The following NMS variants were observed in gnomAD, a reference collection of about 807,000 sequenced individuals.
NMS encodes the protein neuromedin-S.
NMS carries 30 observed loss-of-function variants against 32.2 expected under a neutral mutation model. The observed-to-expected ratio is 0.93, with a 90% CI of 0.70 to 1.26. The LOEUF is 1.26. Among genes scored for constraint, NMS ranks in the 50% most tolerant of loss-of-function variants. NMS has a pLI of 0.00. For synonymous variants in NMS, 76 were observed against 58.5 expected, an observed-to-expected ratio of 1.30 and a Z score of -1.37; for missense variants, 190 against 186.3, an observed-to-expected ratio of 1.02 and a Z score of -0.12.
chr2:100,473,416 G>T, intron 2 of NMS, 73 bp from the exon 3 acceptor site: 1 of 761,008 alleles, frequency 1.3e-6, no homozygotes, highest in East Asian at 2.9e-5. Context: ...AATTGTATTT[G>T]ATTACCCATT....
At chr2:100,471,774 G>A (rs1053707271) in intron 1 of NMS, among the ~76,000 whole-genome samples, 2 of 152,196 alleles carry the variant, frequency 1.3e-5, no homozygotes, top group African/African-American at 4.8e-5. Flanking sequence ...AAGCTTAAGT[G>A]TGATCACATG....
chr2:100,471,646 C>T (rs1472942087), intron 1 of NMS, among the ~76,000 whole-genome samples: 2 of 151,930 alleles, frequency 1.3e-5, no homozygotes, highest in Non-Finnish European at 1.5e-5. Flanking sequence ...CTTTATGTTC[C>T]CTGAGGGTAA....
chr2:100,477,334 C>G, intron 4 of NMS, 27 bp from the exon 5 acceptor site: 1 of 1,610,680 alleles, frequency 6.2e-7, no homozygotes, highest in Non-Finnish European at 8.5e-7. Flanking sequence ...ACACTCGATA[C>G]TAATATCACT....
chr2:100,470,548 A>G lies in NMS; in HGVS notation c.60A>G (p.Leu20=). The G allele has an allele frequency of 6.2e-7, 1 of 1,613,626 alleles. No homozygotes were observed. Among genetic ancestry groups the G allele is most frequent in the East Asian group, 2.2e-5 (1 of 44,868 alleles). ...LILAIYCFCM[L]QIPSSGFPQP... The stretch of plus-strand genomic sequence containing the variant: ...TGGCCATCTACTGCTTCTGCATGCT[A>G]CAGATTCCCTCCTCAGGTAAGGGGA... Residue 20 remains leucine, a synonymous_variant, in exon 1 of 10, where the codon CTA becomes CTG. Coordinates refer to ENST00000376865, the MANE Select transcript of NMS (RefSeq NM_001011717.1).
At chr2:100,471,851 T>C (rs1178850466) in intron 1 of NMS, among the ~76,000 whole-genome samples, 1 of 152,228 alleles carries the variant, frequency 6.6e-6, no homozygotes, top group African/African-American at 2.4e-5. Context: ...TAATATCTCT[T>C]ACTTATTGAA....
In NMS at chr2:100,473,533, A is replaced by G. The variant is rs771303673; in HGVS notation, c.177A>G (p.Gln59=). The change falls in exon 3 of 10, where the codon CAA becomes CAG. Residue 59 remains glutamine (Q), a synonymous_variant. Coordinates refer to ENST00000376865, the MANE Select transcript of NMS (RefSeq NM_001011717.1). ...GTCAGTGGGCACCTCTTTCTCGCCA[A>G]CCTAAGGTAAAAAAATGTGTATATA... The part of the protein sequence containing the change: ...CLSQWAPLSR[Q]PKDNQDIYKR... 6 of 1,432,076 alleles carry G rather than the reference A, an allele frequency of 4.2e-6. No homozygotes were observed. The East Asian group carries it at 1.0e-4, about 24-fold the overall frequency. The allele number at this position is 1,432,076 out of a possible 1,614,324, so 88.7% of individuals were successfully genotyped here. A position where few individuals can be genotyped will look rare whatever the true frequency, so the allele number is the denominator to read the frequency against.
At chr2:100,482,186 C>CT (rs1677231602) in intron 8 of NMS, 91 bp from the exon 9 acceptor site, 1 of 1,292,568 alleles carries the variant, frequency 7.7e-7, no homozygotes, top group Non-Finnish European at 1.1e-6. Flanking sequence ...AGAATGAGGC[C>CT]TTAGGGTTCA....
In NMS at chr2:100,473,450, C is replaced by G. The variant is rs777878404; in HGVS notation, c.133-39C>G. The stretch of plus-strand genomic sequence containing the variant: ...TTAATCAATCTCTCTCTTCATCCCC[C>G]TCATCCCTTTGATTTGTTTTCTTCA... On this transcript the variant is annotated intron_variant, in intron 2 of 9. Coordinates refer to ENST00000376865, the MANE Select transcript of NMS (RefSeq NM_001011717.1). 3.9e-6 allele frequency: 5 copies of G among 1,276,122 alleles called. No individual in the cohort carries two copies. In the South Asian group the frequency reaches 8.4e-5, roughly 21 times the overall value. 79.0% of individuals were successfully genotyped at this position (1,276,122 alleles called of 1,614,324 possible). A position where few individuals can be genotyped will look rare whatever the true frequency, so the allele number is the denominator to read the frequency against.
At chr2:100,478,458 AT>A (rs1453347642) in intron 5 of NMS, among the ~76,000 whole-genome samples, 2 of 151,822 alleles carry the variant, frequency 1.3e-5, no homozygotes, top group Non-Finnish European at 2.9e-5. Context: ...AGGAGGGGGA[AT>A]TTTTTTGTTT....
intron 1 of NMS, among the ~76,000 whole-genome samples, chr2:100,472,030 A>G (rs988558423): frequency 6.6e-6 from 1 of 152,200 alleles, no homozygotes; most frequent in Non-Finnish European, 1.5e-5. Flanking sequence ...CCTTTGCTTT[A>G]TCTTGGCTCA....
intron 3 of NMS, among the ~76,000 whole-genome samples, chr2:100,474,994 C>T (rs1322579773): frequency 6.6e-6 from 1 of 152,154 alleles, no homozygotes; most frequent in Non-Finnish European, 1.5e-5. Context: ...GTGTCCTCTG[C>T]ACCAGCAGAG....
In NMS at chr2:100,479,406, G is replaced by T. The variant is rs1558669282; in HGVS notation, c.315G>T (p.Arg105=). ...TGGCTGCCAAGCTCGCCAACAGGCGGATGAAGAGAATTCTGCAGCGAGTAC... is the reference window on the plus strand; with the variant it reads ...TGGCTGCCAAGCTCGCCAACAGGCGTATGAAGAGAATTCTGCAGCGAGTAC... ...MHLAAKLANR[R]MKRILQRGSG... is the part of the protein sequence containing the mutation. The change falls in exon 6 of 10, where the codon CGG becomes CGT. Residue 105 remains arginine, a synonymous_variant. Coordinates refer to ENST00000376865, the MANE Select transcript of NMS (RefSeq NM_001011717.1). 2 of 1,611,258 alleles carry T rather than the reference G, an allele frequency of 1.2e-6. No individual in the cohort carries two copies. The highest frequency in any genetic ancestry group is 1.7e-6 in the Non-Finnish European group (2 of 1,178,716).
At chr2:100,479,938 G>C (rs914858012) in intron 6 of NMS, among the ~76,000 whole-genome samples, 14 of 152,186 alleles carry the variant, frequency 9.2e-5, no homozygotes, top group Admixed American at 1.3e-4. Flanking sequence ...TAGCAAGAGA[G>C]AAAATTTATT....
At chr2:100,475,025 G>C (rs1677081109) in intron 3 of NMS, among the ~76,000 whole-genome samples, 1 of 152,246 alleles carries the variant, frequency 6.6e-6, no homozygotes, top group Non-Finnish European at 1.5e-5. Context: ...TAGTGTGGCT[G>C]TCCCATGCTC....
At chr2:100,476,395 A>G (rs887259419) in intron 3 of NMS, among the ~76,000 whole-genome samples, 1 of 152,238 alleles carries the variant, frequency 6.6e-6, no homozygotes, top group Non-Finnish European at 1.5e-5. Flanking sequence ...ACATATGTAC[A>G]TGGTAGAGAG....
intron 8 of NMS, among the ~76,000 whole-genome samples, chr2:100,481,753 C>T (rs576182715): frequency 1.3e-5 from 2 of 152,316 alleles, no homozygotes; most frequent in African/African-American, 4.8e-5. Context: ...ACACTGCACC[C>T]GACATTTGTG....
intron 5 of NMS, 93 bp from the exon 6 acceptor site, chr2:100,479,260 T>C (rs776465255): frequency 6.1e-6 from 5 of 818,490 alleles, no homozygotes; most frequent in Non-Finnish European, 9.1e-6. Context: ...GTAAGGGAAG[T>C]GAGTAGAAAG....
chr2:100,481,839 A>G (rs1419768884), intron 8 of NMS, among the ~76,000 whole-genome samples: 1 of 152,218 alleles, frequency 6.6e-6, no homozygotes, highest in African/African-American at 2.4e-5. Context: ...ACTTGGCTTA[A>G]TCATTTGTTT....
intron 3 of NMS, among the ~76,000 whole-genome samples, chr2:100,475,114 C>T (rs999662801): frequency 1.3e-5 from 2 of 152,158 alleles, no homozygotes; most frequent in Non-Finnish European, 2.9e-5. Context: ...CCATCTTCTC[C>T]ATTTTTCCAA....
Sources: allele counts gnomAD v4.1 joint callset (sites outside exome capture counted in the v4.1 genomes callset), GRCh38; gene constraint gnomAD v4.1.1; transcripts MANE v1.5; gene names NCBI Gene and HGNC (gene_info 2026-07-23, HGNC 2026-07-21).